The following CLEC9A variants were observed in gnomAD, a reference collection of about 807,000 sequenced individuals.
CLEC9A encodes C-type lectin domain family 9 member A.
A neutral mutation model predicts 30.0 loss-of-function variants in CLEC9A; 24 were observed. The ratio of observed to expected loss-of-function variants is 0.80; its 90% CI spans 0.58 to 1.13. The LOEUF (loss-of-function observed/expected upper bound fraction) is 1.13, where lower values mean the gene tolerates loss of function less well. CLEC9A is among the 50% of genes most tolerant of loss of function. The pLI, the probability that CLEC9A is intolerant of heterozygous loss-of-function variation, is 0.00. For missense variants in CLEC9A, 251 were observed against 280.9 expected (o/e 0.89, Z 0.76); for synonymous variants, 111 against 96.8 (o/e 1.15, Z -0.86).
rs1865693610 is a variant in CLEC9A, at chr12:10,031,321, C to A, written c.-318+349C>A. Among the ~76,000 whole-genome samples, 3 of 152,208 alleles carry A rather than the reference C, an allele frequency of 2.0e-5. No homozygotes were observed. The South Asian group carries it at 6.2e-4, about 32-fold the overall frequency. ...CTCTGTAAATCAGGTAGCTTCCTTA[C>A]TCTTGCTCCTACTGATCCCTCAGTC... On this transcript the variant is annotated intron_variant, in intron 1 of 8. Transcript: ENST00000355819.
chr12:10,035,870 A>G (rs1187672943), intron 1 of CLEC9A, among the ~76,000 whole-genome samples: 1 of 152,182 alleles, frequency 6.6e-6, no homozygotes, highest in Non-Finnish European at 1.5e-5. Context: ...CTCCAAAAGT[A>G]TTGGGATTAC....
rs531345397 is a variant in CLEC9A at position 10,065,475 on chromosome 12, C to T, written c.594-25C>T. On this transcript the variant is annotated intron_variant, in intron 8 of 8. Coordinates refer to ENST00000355819, the MANE Select transcript of CLEC9A (RefSeq NM_207345.4). ...TTTCTGAAACTCCCAAGTCTAACCT[C>T]AGAAATGTTGACTTGCTTTTCCAGG... The T allele has an allele frequency of 1.9e-6, 3 of 1,613,042 alleles. No homozygotes were observed. In the East Asian group the frequency reaches 6.7e-5, roughly 36 times the overall value.
intron 2 of CLEC9A, among the ~76,000 whole-genome samples, chr12:10,047,129 CTCAAATGTTACTTGCTACT>C (rs577259094): frequency 1.3e-5 from 2 of 152,230 alleles, no homozygotes; most frequent in South Asian, 4.1e-4. Flanking sequence ...ACAGAAACAC[CTCAAATGTTACTTGCTACT>C]TCAAATGTCT....
At chr12:10,034,857 G>A (rs1744576737) in intron 1 of CLEC9A, among the ~76,000 whole-genome samples, 2 of 152,186 alleles carry the variant, frequency 1.3e-5, no homozygotes, top group Non-Finnish European at 2.9e-5. Context: ...TCCATAGGTG[G>A]CTTGTGTTAG....
At chr12:10,035,403 A>G (rs1224459119) in intron 1 of CLEC9A, among the ~76,000 whole-genome samples, 5 of 152,210 alleles carry the variant, frequency 3.3e-5, no homozygotes, top group African/African-American at 1.2e-4. Context: ...CCACTTCTGT[A>G]TCACATATGT....
chr12:10,042,089 T>G (rs1865802549), intron 2 of CLEC9A, among the ~76,000 whole-genome samples: 1 of 152,256 alleles, frequency 6.6e-6, no homozygotes, highest in South Asian at 2.1e-4. Flanking sequence ...ATGTATATCC[T>G]GAATTTGTAT....
chr12:10,048,655 C>T (rs76883345), intron 2 of CLEC9A, among the ~76,000 whole-genome samples: 15,676 of 152,250 alleles, frequency 0.1, 987 homozygotes, highest in Non-Finnish European at 0.14. Context: ...GAAGCAGCTC[C>T]TCATCTGTTC....
At chr12:10,033,684 A>G (rs1591881590) in intron 1 of CLEC9A, among the ~76,000 whole-genome samples, 1 of 152,232 alleles carries the variant, frequency 6.6e-6, no homozygotes, top group Non-Finnish European at 1.5e-5. Context: ...TAATTATGGA[A>G]GTATTGTTGA....
intron 1 of CLEC9A, among the ~76,000 whole-genome samples, chr12:10,040,685 C>T (rs1206380305): frequency 6.6e-6 from 1 of 151,798 alleles, no homozygotes; most frequent in Non-Finnish European, 1.5e-5. Flanking sequence ...CTCCTTACCT[C>T]GTGATCCGCC....
intron 4 of CLEC9A, among the ~76,000 whole-genome samples, chr12:10,053,923 A>G (rs1022573211): frequency 6.6e-6 from 1 of 152,208 alleles, no homozygotes; most frequent in African/African-American, 2.4e-5. Context: ...TCAAAACATA[A>G]AGCCAGCATT....
intron 2 of CLEC9A, among the ~76,000 whole-genome samples, chr12:10,045,152 G>T (rs1865834956): frequency 6.6e-6 from 1 of 152,060 alleles, no homozygotes; most frequent in Admixed American, 6.5e-5. Context: ...TCTAAATCCT[G>T]CCCTTCCATC....
chr12:10,039,200 G>C (rs1217559073), intron 1 of CLEC9A, among the ~76,000 whole-genome samples: 1 of 152,166 alleles, frequency 6.6e-6, no homozygotes, highest in African/African-American at 2.4e-5. Context: ...TTGTCGGGCT[G>C]GTGGCTCTGG....
intron 5 of CLEC9A, among the ~76,000 whole-genome samples, chr12:10,057,432 T>C (rs1204689922): frequency 6.6e-6 from 1 of 151,936 alleles, no homozygotes; most frequent in African/African-American, 2.4e-5. Context: ...AACATGAACA[T>C]AATGAAAGTG....
intron 1 of CLEC9A, among the ~76,000 whole-genome samples, chr12:10,032,725 G>A (rs1335417229): frequency 2.0e-5 from 3 of 151,738 alleles, no homozygotes; most frequent in African/African-American, 7.3e-5. Context: ...TTCTTTCTTT[G>A]GTTCGCTCTG....
At chr12:10,041,289 C>T (rs1865795349) in intron 1 of CLEC9A, among the ~76,000 whole-genome samples, 177 bp from the exon 2 acceptor site, 1 of 151,810 alleles carries the variant, frequency 6.6e-6, no homozygotes, top group African/African-American at 2.4e-5. Context: ...CAAAAAAAAA[C>T]AGAAGGGCAC....
intron 5 of CLEC9A, among the ~76,000 whole-genome samples, chr12:10,060,024 A>G (rs1253019245): frequency 3.3e-5 from 5 of 152,282 alleles, no homozygotes; most frequent in African/African-American, 1.2e-4. Flanking sequence ...CATAATCAGC[A>G]TGGCTAAAAT....
chr12:10,048,605 A>G (rs913751641), intron 2 of CLEC9A, among the ~76,000 whole-genome samples: 5 of 152,158 alleles, frequency 3.3e-5, no homozygotes, highest in Admixed American at 2.6e-4. Context: ...ACCAGGAGTA[A>G]TATTTGTCTC....
intron 7 of CLEC9A, among the ~76,000 whole-genome samples, chr12:10,063,701 A>C (rs1866016829): frequency 6.6e-6 from 1 of 152,220 alleles, no homozygotes; most frequent in Non-Finnish European, 1.5e-5. Flanking sequence ...ATTAGCATAA[A>C]ACCTAGTTTA....
intron 4 of CLEC9A, 43 bp downstream of exon 4, chr12:10,052,821 G>GTT (rs375899502): frequency 5.9e-3 from 7,917 of 1,347,074 alleles, no homozygotes; most frequent in South Asian, 0.013. Flanking sequence ...TAGAGTTCAT[G>GTT]TTTTTTTTTT....
Sources: gnomAD v4.1 joint callset for allele counts (sites outside exome capture counted in the v4.1 genomes callset) on GRCh38, gnomAD v4.1.1 for gene constraint, MANE v1.5 for transcripts, NCBI Gene and HGNC (gene_info 2026-07-23, HGNC 2026-07-21) for gene names.